Variants in ASTN2 observed in about 807,000 individuals in gnomAD.
The protein encoded by ASTN2 is astrotactin 2, also known as astrotactin-2.
Under a neutral mutation model 139.8 loss-of-function variants are expected in ASTN2, and 54 were observed. The observed-to-expected ratio is 0.39, with a 90% CI of 0.31 to 0.48. ASTN2 has a LOEUF of 0.48. ASTN2 is among the 20% of genes least tolerant of loss of function. The pLI is 0.95. For missense variants in ASTN2, 1,565 were observed against 1,725.1 expected, an observed-to-expected ratio of 0.91 and a Z score of 1.64; for synonymous variants, 756 against 719.5, an observed-to-expected ratio of 1.05 and a Z score of -0.81.
chr9:117,366,403 T>C (rs1239082616), intron 1 of ASTN2, among the ~76,000 whole-genome samples: 1 of 152,148 alleles, frequency 6.6e-6, no homozygotes, highest in African/African-American at 2.4e-5. Flanking sequence ...AGAGCAGAAA[T>C]TGGCATCCCT....
intron 10 of ASTN2, among the ~76,000 whole-genome samples, chr9:116,934,166 C>A (rs1834999913): frequency 6.6e-6 from 1 of 151,838 alleles, no homozygotes; most frequent in South Asian, 2.1e-4. Context: ...ATCATCAGCT[C>A]CATTTCCACA....
intron 7 of ASTN2, among the ~76,000 whole-genome samples, chr9:116,989,126 A>G (rs1421184437): frequency 1.3e-5 from 2 of 152,172 alleles, no homozygotes; most frequent in Non-Finnish European, 2.9e-5. Flanking sequence ...CACAGAAGAG[A>G]CTCATTGACA....
At chr9:116,559,282 A>C (rs1852791244) in intron 19 of ASTN2, among the ~76,000 whole-genome samples, 1 of 152,186 alleles carries the variant, frequency 6.6e-6, no homozygotes, top group Non-Finnish European at 1.5e-5. Flanking sequence ...TAGAGAGCTG[A>C]GACCTTGGAT....
At chr9:117,398,790 A>G (rs2130957791) in intron 1 of ASTN2, among the ~76,000 whole-genome samples, 1 of 152,220 alleles carries the variant, frequency 6.6e-6, no homozygotes, top group African/African-American at 2.4e-5. Flanking sequence ...TCTTTCTGTT[A>G]ATATTTTTTG....
chr9:117,318,757 C>T (rs117127330), intron 1 of ASTN2, among the ~76,000 whole-genome samples: 6 of 152,150 alleles, frequency 3.9e-5, no homozygotes, highest in Admixed American at 1.3e-4. Context: ...AGCAGGTACA[C>T]GTCTCAGTCC....
intron 2 of ASTN2, among the ~76,000 whole-genome samples, chr9:117,281,234 C>A (rs1350521185): frequency 3.3e-5 from 5 of 152,144 alleles, no homozygotes; most frequent in African/African-American, 1.2e-4. Flanking sequence ...CTCCCCTCAG[C>A]CCCATGAATG....
chr9:117,201,982 T>C (rs1831738137), intron 3 of ASTN2, among the ~76,000 whole-genome samples: 1 of 152,204 alleles, frequency 6.6e-6, no homozygotes, highest in Non-Finnish European at 1.5e-5. Flanking sequence ...CTAAGTCTCA[T>C]CATAGGTCTC....
chr9:117,056,204 C>A (rs148449960), intron 5 of ASTN2, among the ~76,000 whole-genome samples: 4 of 152,228 alleles, frequency 2.6e-5, no homozygotes, highest in Admixed American at 6.5e-5. Flanking sequence ...ATCCCTGCCC[C>A]ACAGAAACTG....
rs192611545 is a variant in ASTN2 at position 117,052,576 on chromosome 9, G to T, written c.1277-12611C>A. Among the ~76,000 whole-genome samples the T allele has an allele frequency of 5.9e-5, 9 of 152,222 alleles. No homozygotes were observed. In the East Asian group the frequency reaches 1.2e-3, roughly 20 times the overall value. On this transcript the variant is annotated intron_variant, in intron 5 of 22. Coordinates refer to ENST00000313400, the MANE Select transcript of ASTN2 (RefSeq NM_001365068.1). ...CCAATACATATAAATTCTGTTGTTT[G>T]CACTCAAGAGACCACTTATAAAAAC...
At chr9:117,241,669 C>T (rs79403070) in intron 2 of ASTN2, among the ~76,000 whole-genome samples, 6,209 of 152,182 alleles carry the variant, frequency 0.041, 430 homozygotes, top group African/African-American at 0.14. Flanking sequence ...AATGCTCATT[C>T]GCCCACCAGT....
intron 13 of ASTN2, among the ~76,000 whole-genome samples, chr9:116,800,789 CG>C (rs1564274206): frequency 6.6e-6 from 1 of 152,104 alleles, no homozygotes; most frequent in Non-Finnish European, 1.5e-5. Flanking sequence ...CCTGAGCTTC[CG>C]TTTCTCCATC....
At chr9:116,945,310 C>A (rs1378575914) in intron 10 of ASTN2, among the ~76,000 whole-genome samples, 1 of 152,146 alleles carries the variant, frequency 6.6e-6, no homozygotes, top group Non-Finnish European at 1.5e-5. Flanking sequence ...TGGGGCTCAC[C>A]TTTCCCTGAG....
chr9:116,853,690 C>T (rs1832669581), intron 11 of ASTN2, among the ~76,000 whole-genome samples: 1 of 152,188 alleles, frequency 6.6e-6, no homozygotes, highest in Non-Finnish European at 1.5e-5. Flanking sequence ...CCTTGGGCTG[C>T]ACTCTGAAAG....
At chr9:116,615,719 C>G (rs529730856) in intron 19 of ASTN2, among the ~76,000 whole-genome samples, 2 of 125,516 alleles carry the variant, frequency 1.6e-5, no homozygotes. Flanking sequence ...ACACCAGGGC[C>G]TGTCATGGGG....
At chr9:116,474,100 G>A (rs1848903658) in intron 20 of ASTN2, among the ~76,000 whole-genome samples, 1 of 152,130 alleles carries the variant, frequency 6.6e-6, no homozygotes, top group African/African-American at 2.4e-5. Context: ...TGTACAGCCA[G>A]AAACTGTCTG....
At chr9:117,202,490 T>C (rs981079824) in intron 3 of ASTN2, among the ~76,000 whole-genome samples, 1 of 152,166 alleles carries the variant, frequency 6.6e-6, no homozygotes. Context: ...GTTTTTCCTT[T>C]CATATTTAGT....
chr9:117,295,661 G>A (rs1417110453), intron 1 of ASTN2, among the ~76,000 whole-genome samples: 1 of 151,596 alleles, frequency 6.6e-6, no homozygotes, highest in Non-Finnish European at 1.5e-5. Flanking sequence ...CAGTGACTCA[G>A]TAACACACTT....
chr9:116,615,563 A>C (rs1323535657), intron 19 of ASTN2, among the ~76,000 whole-genome samples: 3 of 152,188 alleles, frequency 2.0e-5, no homozygotes, highest in Non-Finnish European at 1.5e-5. Flanking sequence ...GGATGAGTTC[A>C]TGTCCTTTGT....
intron 16 of ASTN2, among the ~76,000 whole-genome samples, chr9:116,668,335 G>A (rs1379933539): frequency 6.6e-6 from 1 of 152,016 alleles, no homozygotes; most frequent in Non-Finnish European, 1.5e-5. Flanking sequence ...GGGATTATAG[G>A]CACCCGCCAT....
Sources: allele counts gnomAD v4.1 joint callset (sites outside exome capture counted in the v4.1 genomes callset), GRCh38; gene constraint gnomAD v4.1.1; transcripts MANE v1.5; gene names NCBI Gene and HGNC (gene_info 2026-07-23, HGNC 2026-07-21).